Variants in KCNG2 observed in about 807,000 individuals in gnomAD.
The protein encoded by KCNG2 is potassium voltage-gated channel modifier subfamily G member 2.
KCNG2 carries 7 observed loss-of-function variants against 12.3 expected under a neutral mutation model. The observed-to-expected ratio is 0.57, with a 90% CI of 0.32 to 1.07. The LOEUF (loss-of-function observed/expected upper bound fraction) is 1.07, where lower values mean the gene tolerates loss of function less well. KCNG2 is among the 50% of genes least tolerant of loss of function. The pLI is 0.04. For synonymous variants in KCNG2, 414 were observed against 351.4 expected (o/e 1.18, Z -1.99); for missense variants, 703 against 726.0 (o/e 0.97, Z 0.36).
intron 1 of KCNG2, among the ~76,000 whole-genome samples, chr18:79,811,556 A>AT (rs1485116935): frequency 6.6e-6 from 1 of 152,232 alleles, no homozygotes; most frequent in African/African-American, 2.4e-5. Context: ...CCATGATACA[A>AT]TAAAAAAAAG....
At chr18:79,846,308 G>A (rs904761788) in intron 1 of KCNG2, among the ~76,000 whole-genome samples, 57 of 145,072 alleles carry the variant, frequency 3.9e-4, no homozygotes, top group African/African-American at 1.4e-3. Flanking sequence ...GGGAGGTGGA[G>A]CTTGCAGTGA....
chr18:79,883,896 A>G (rs1279439178), intron 3 of KCNG2, among the ~76,000 whole-genome samples: 2 of 152,004 alleles, frequency 1.3e-5, no homozygotes, highest in African/African-American at 4.8e-5. Flanking sequence ...CATTTAGCAC[A>G]GACTTGCACC....
intron 1 of KCNG2, among the ~76,000 whole-genome samples, chr18:79,850,333 A>C (rs1306784280): frequency 6.6e-6 from 1 of 152,110 alleles, no homozygotes; most frequent in East Asian, 1.9e-4. Context: ...ATCTGGTAGA[A>C]CTCTTGATAA....
intron 3 of KCNG2, among the ~76,000 whole-genome samples, chr18:79,885,003 C>T (rs1287500236): frequency 4.6e-5 from 7 of 152,200 alleles, no homozygotes; most frequent in Non-Finnish European, 1.0e-4. Context: ...GCTTGCCCAA[C>T]TCTCGGGGTG....
chr18:79,883,723 G>A (rs1161668323), intron 3 of KCNG2, among the ~76,000 whole-genome samples: 1 of 152,248 alleles, frequency 6.6e-6, no homozygotes, highest in Non-Finnish European at 1.5e-5. Flanking sequence ...GTGAGGATGT[G>A]CTTATATGTC....
chr18:79,836,143 A>C (rs1978322979), intron 1 of KCNG2, among the ~76,000 whole-genome samples: 1 of 152,234 alleles, frequency 6.6e-6, no homozygotes, highest in South Asian at 2.1e-4. Flanking sequence ...AGTCACTTCA[A>C]ATATAACAAT....
intron 3 of KCNG2, among the ~76,000 whole-genome samples, chr18:79,898,697 G>A (rs775469827): frequency 2.0e-5 from 3 of 152,252 alleles, no homozygotes; most frequent in Non-Finnish European, 4.4e-5. Flanking sequence ...CTTTCTTCCA[G>A]AATTTTCACA....
At chr18:79,807,747 T>C (rs1011111262) in intron 1 of KCNG2, among the ~76,000 whole-genome samples, 1 of 151,700 alleles carries the variant, frequency 6.6e-6, no homozygotes, top group Admixed American at 6.6e-5. Flanking sequence ...CTCCATGTTA[T>C]ATGCCCAGAG....
intron 1 of KCNG2, among the ~76,000 whole-genome samples, chr18:79,810,625 G>A (rs530324911): frequency 1.3e-5 from 2 of 152,284 alleles, no homozygotes; most frequent in South Asian, 4.1e-4. Flanking sequence ...TTAACCAGGT[G>A]TGCTGGCACA....
At chr18:79,844,044 C>T (rs1283812997) in intron 1 of KCNG2, among the ~76,000 whole-genome samples, 1 of 152,160 alleles carries the variant, frequency 6.6e-6, no homozygotes, top group Admixed American at 6.5e-5. Context: ...AAAAGATATT[C>T]CATGCAAATG....
At chr18:79,859,300 A>G (rs1599399134) in intron 2 of KCNG2, among the ~76,000 whole-genome samples, 1 of 152,276 alleles carries the variant, frequency 6.6e-6, no homozygotes, top group South Asian at 2.1e-4. Context: ...GAATACCTGG[A>G]GCCAGGTAAT....
chr18:79,899,408 G>A lies in KCNG2; in HGVS notation c.993G>A (p.Val331=). ...EFGLLLLFLC[V]AMALFAPLVH... is the part of the protein sequence containing the mutation. ...GGCTGCTGCTGCTGTTCCTCTGCGT[G>A]GCCATGGCGCTCTTCGCGCCACTGG... is the stretch of plus-strand genomic sequence containing the variant. The change falls in exon 4 of 4, where the codon GTG becomes GTA. Residue 331 remains valine, a synonymous_variant. Coordinates refer to ENST00000316249, the MANE Select transcript of KCNG2 (RefSeq NM_012283.2). 1 of 1,584,312 alleles carries A rather than the reference G, an allele frequency of 6.3e-7. No homozygotes were observed. Among genetic ancestry groups the A allele is most frequent in the Non-Finnish European group, 8.5e-7 (1 of 1,169,594 alleles).
chr18:79,849,423 C>A (rs1392275581), intron 1 of KCNG2, among the ~76,000 whole-genome samples: 2 of 152,230 alleles, frequency 1.3e-5, no homozygotes, highest in East Asian at 3.9e-4. Flanking sequence ...CCATCTGACC[C>A]CATCCTCTGC....
At chr18:79,890,120 T>C (rs923876452) in intron 3 of KCNG2, among the ~76,000 whole-genome samples, 1 of 152,172 alleles carries the variant, frequency 6.6e-6, no homozygotes, top group African/African-American at 2.4e-5. Context: ...ATTCAGCTTG[T>C]TGATATTTTC....
chr18:79,809,777 G>A (rs867493773), intron 1 of KCNG2, among the ~76,000 whole-genome samples: 15 of 152,214 alleles, frequency 9.9e-5, no homozygotes, highest in Admixed American at 3.9e-4. Context: ...CAGCCCAGGC[G>A]TCCTACTGCA....
Position 79,800,881 on chromosome 18 carries a change from A to G in KCNG2, c.-115+2867A>G, listed in dbSNP as rs1469526394. ...GGGTCCCCGGCGGGGCCAGGAGAAC[A>G]CCCAGACTCATGGAATTGCTAACAG... On this transcript the variant is annotated intron_variant, in intron 1 of 3. Transcript: ENST00000316249. The surrounding 1 kb of genome is among the most constrained non-coding windows in gnomAD (Gnocchi z 4.0). Among the ~76,000 whole-genome samples the G allele has an allele frequency of 1.3e-5, 2 of 152,228 alleles. No homozygotes were observed. Among genetic ancestry groups the G allele is most frequent in the Admixed American group, 1.3e-4 (2 of 15,290 alleles).
At chr18:79,828,520 C>T (rs369731415) in intron 1 of KCNG2, among the ~76,000 whole-genome samples, 4 of 102,964 alleles carry the variant, frequency 3.9e-5, no homozygotes, top group Non-Finnish European at 6.6e-5. Flanking sequence ...TGTAGTGTAA[C>T]GTGTTTATGC....
At chr18:79,840,244 A>G (rs186566936) in intron 1 of KCNG2, among the ~76,000 whole-genome samples, 1 of 152,368 alleles carries the variant, frequency 6.6e-6, no homozygotes. Context: ...AGCCAAAAAA[A>G]ACTCTTAGAA....
At chr18:79,861,727 T>C (rs4799094) in intron 2 of KCNG2, among the ~76,000 whole-genome samples, 53,674 of 152,144 alleles carry the variant, frequency 0.35, 11,244 homozygotes, top group Non-Finnish European at 0.45. Flanking sequence ...TATTCTTTCT[T>C]CCCTGTTCCC....
Sources: gnomAD v4.1 joint callset for allele counts (sites outside exome capture counted in the v4.1 genomes callset) on GRCh38, gnomAD v4.1.1 for gene constraint, Gnocchi (gnomAD v3.1) non-coding constraint, MANE v1.5 for transcripts, NCBI Gene and HGNC (gene_info 2026-07-23, HGNC 2026-07-21) for gene names.